The following UFSP2 variants were observed in gnomAD, a reference collection of about 807,000 sequenced individuals.
UFSP2 encodes UFM1 specific peptidase 2, also known as ufm1-specific protease 2.
UFSP2 carries 43 observed loss-of-function variants against 60.2 expected under a neutral mutation model. The ratio of observed to expected loss-of-function variants is 0.71; its 90% confidence interval spans 0.56 to 0.92. The LOEUF is 0.92. Ranked by LOEUF, UFSP2 falls within the 40% of genes least tolerant of loss-of-function variation. UFSP2 has a pLI of 0.00. For synonymous variants in UFSP2, 183 were observed against 195.1 expected (o/e 0.94, Z 0.52); for missense variants, 520 against 575.0 (o/e 0.90, Z 0.98).
intron 9 of UFSP2, chr4:185,406,213 C>T: frequency 3.4e-6 from 1 of 293,390 alleles, no homozygotes. Context: ...GTGTTAAGTC[C>T]TGGGTTCTTG....
At chr4:185,415,074 AT>A in intron 6 of UFSP2, 80 bp downstream of exon 6, 2 of 1,193,834 alleles carry the variant, frequency 1.7e-6, no homozygotes, top group Non-Finnish European at 2.3e-6. Context: ...AATACCTTCC[AT>A]TTAGTGGAAA....
chr4:185,409,761 A>T (rs2095526043), intron 7 of UFSP2, among the ~76,000 whole-genome samples: 1 of 152,226 alleles, frequency 6.6e-6, no homozygotes, highest in African/African-American at 2.4e-5. Flanking sequence ...TAAGATGGGG[A>T]GGTTATCCTG....
At chr4:185,401,253 TAA>T (rs1313559853) in intron 11 of UFSP2, among the ~76,000 whole-genome samples, 1 of 152,090 alleles carries the variant, frequency 6.6e-6, no homozygotes, top group Non-Finnish European at 1.5e-5. Flanking sequence ...AAGATAAAAG[TAA>T]AAAATCCTCT....
rs778560495 is a variant in UFSP2 at position 185,415,351 on chromosome 4, T to TG, written c.492-5dup. 18 of 1,566,736 alleles carry TG rather than the reference T, an allele frequency of 1.1e-5. No individual in the cohort carries two copies. The highest frequency in any genetic ancestry group is 4.6e-5 in the East Asian group (2 of 43,868). On this transcript the variant is annotated splice_region_variant and splice_polypyrimidine_tract_variant and intron_variant, in intron 5 of 11. Coordinates refer to ENST00000264689, the MANE Select transcript of UFSP2 (RefSeq NM_018359.5). ...ATCAACCAGGAGTTTACGAACTCTG[T>TG]GGGGGGAAATATATAAGTGTATTAA... is the stretch of plus-strand genomic sequence containing the variant.
Position 185,405,833 on chromosome 4 carries a change from T to A in UFSP2, c.1145A>T (p.Gln382Leu), listed in dbSNP as rs376712305. ...FVSQGSEIAS[Q>L]GRELANHFQS... ...GAAATGATTAGCCAGTTCCCGTCCT[T>A]GAGAGGCAATTTCTGAACCTTGGCT... is the stretch of plus-strand genomic sequence containing the variant. The change falls in exon 10 of 12, where the codon CAA becomes CTA. Residue 382 changes from glutamine (Q) to leucine (L), a missense_variant. Physicochemically the swap from Gln to Leu is moderately radical, Grantham distance 113. Transcript: ENST00000264689. 2 of 1,614,084 alleles carry A rather than the reference T, an allele frequency of 1.2e-6. No individual in the cohort carries two copies. The highest frequency in any genetic ancestry group is 1.7e-5 in the Admixed American group (1 of 60,022).
At chr4:185,420,620 C>T (rs1169484524) in intron 2 of UFSP2, among the ~76,000 whole-genome samples, 1 of 152,084 alleles carries the variant, frequency 6.6e-6, no homozygotes, top group Non-Finnish European at 1.5e-5. Flanking sequence ...TTTCAGAAAG[C>T]AGAATTTAAA....
At chr4:185,419,985 G>A (rs1414998192) in intron 2 of UFSP2, among the ~76,000 whole-genome samples, 1 of 152,176 alleles carries the variant, frequency 6.6e-6, no homozygotes, top group African/African-American at 2.4e-5. Context: ...TTCAGGAACT[G>A]CCAAGCTGTT....
At chr4:185,417,024 G>T (rs1372002287) in intron 4 of UFSP2, among the ~76,000 whole-genome samples, 1 of 152,136 alleles carries the variant, frequency 6.6e-6, no homozygotes, top group African/African-American at 2.4e-5. Flanking sequence ...CTTCCCACAA[G>T]ATACTAATTA....
intron 7 of UFSP2, among the ~76,000 whole-genome samples, chr4:185,410,044 T>C (rs1217178510): frequency 1.3e-5 from 2 of 152,210 alleles, no homozygotes; most frequent in African/African-American, 4.8e-5. Flanking sequence ...TCAAATATGT[T>C]ATTATTTTTT....
At position 185,405,987 on chromosome 4, in the gene UFSP2, T is replaced by C. The variant is rs961459036; in HGVS notation, c.1122-131A>G. On this transcript the variant is annotated intron_variant, in intron 9 of 11. Coordinates refer to ENST00000264689, the MANE Select transcript of UFSP2 (RefSeq NM_018359.5). ...GAAAAAATATATAAATGTAAAAAAA[T>C]TAAGTGTTAGGGAACTGAGAGCAAT... 4 of 1,530,312 alleles carry C rather than the reference T, an allele frequency of 2.6e-6. No individual in the cohort carries two copies. The South Asian group carries it at 3.6e-5, about 14-fold the overall frequency. 94.8% of individuals were successfully genotyped at this position (1,530,312 alleles called of 1,614,324 possible).
In UFSP2 at chr4:185,413,834, G is replaced by A; in HGVS notation, c.723C>T (p.Pro241=). 4.3e-6 allele frequency: 7 copies of A among 1,612,880 alleles called. No homozygotes were observed. Among genetic ancestry groups the A allele is most frequent in the Non-Finnish European group, 5.9e-6 (7 of 1,179,454 alleles). The change falls in exon 7 of 12, where the codon CCC becomes CCT. Residue 241 remains proline, a synonymous_variant. Coordinates refer to ENST00000264689, the MANE Select transcript of UFSP2 (RefSeq NM_018359.5). ...HDLFNLPHDR[P]YFKRSNAYHF... is the part of the protein sequence containing the mutation. ...GATAAGCATTAGACCTTTTGAAATA[G>A]GGTCTGTCGTGAGGCAGATTGAAAA...
At position 185,425,875 on chromosome 4, in the gene UFSP2, G is replaced by A. The variant is rs1040149168; in HGVS notation, c.-7C>T. The stretch of plus-strand genomic sequence containing the variant: ...GAGCAGAGATACTCACCATGTCCGC[G>A]ACGTGGCGGTGACACGGGCGCTGAC... On this transcript the variant is annotated 5_prime_UTR_variant, in exon 1 of 12. Coordinates refer to ENST00000264689, the MANE Select transcript of UFSP2 (RefSeq NM_018359.5). 2.2e-5 allele frequency: 35 copies of A among 1,602,634 alleles called. No homozygotes were observed. The highest frequency in any genetic ancestry group is 1.9e-4 in the African/African-American group (14 of 74,794).
chr4:185,401,138 C>CT (rs964238697), intron 11 of UFSP2, among the ~76,000 whole-genome samples: 59 of 152,136 alleles, frequency 3.9e-4, no homozygotes, highest in African/African-American at 1.4e-3. Context: ...TTCTTAAATG[C>CT]TTTGAGAAAT....
At chr4:185,400,675 C>T in intron 11 of UFSP2, 197 bp from the exon 12 acceptor site, 1 of 414,912 alleles carries the variant, frequency 2.4e-6, no homozygotes, top group Non-Finnish European at 4.3e-6. Context: ...ACTTTTAATT[C>T]TATGTATGTA....
At position 185,413,605 on chromosome 4, in the gene UFSP2, G is replaced by A. The variant is rs1580066497; in HGVS notation, c.831+121C>T. 6 of 990,948 alleles carry A rather than the reference G, an allele frequency of 6.1e-6. No homozygotes were observed. The East Asian group carries it at 1.6e-4, about 26-fold the overall frequency. The allele number at this position is 990,948 out of a possible 1,614,324, so 61.4% of individuals were successfully genotyped here. On this transcript the variant is annotated intron_variant, in intron 7 of 11. Coordinates refer to ENST00000264689, the MANE Select transcript of UFSP2 (RefSeq NM_018359.5). ...AAGCAATGTCTGTTAACAGAGATGG[G>A]TGATAAATCATGTTTTAGGAATGAA...
rs141591864 is a variant in UFSP2, at chr4:185,407,971, T to C, written c.1086A>G (p.Gln362=). ...GSIEVQLVLN[Q]LIGITSKILF... ...GGATTTTTGACGTTATACCGATCAATTGGTTTAGTACCAGCTGCACCTCAA... is the reference window on the plus strand; with the variant it reads ...GGATTTTTGACGTTATACCGATCAACTGGTTTAGTACCAGCTGCACCTCAA... The change falls in exon 9 of 12, where the codon CAA becomes CAG. Residue 362 remains glutamine, a synonymous_variant. Coordinates refer to ENST00000264689, the MANE Select transcript of UFSP2 (RefSeq NM_018359.5). 185 of 1,614,204 alleles carry C rather than the reference T, an allele frequency of 1.1e-4. No individual in the cohort carries two copies. Among genetic ancestry groups the C allele is most frequent in the Middle Eastern group, 3.3e-4 (2 of 6,062 alleles).
chr4:185,422,455 TA>T, intron 2 of UFSP2, 29 bp downstream of exon 2: 1 of 1,538,134 alleles, frequency 6.5e-7, no homozygotes, highest in Non-Finnish European at 8.9e-7. Flanking sequence ...ATCAATTTTC[TA>T]ATAAAAAAGA....
At position 185,403,687 on chromosome 4, in the gene UFSP2, T is replaced by A. The variant is rs13126680; in HGVS notation, c.1199-69A>T. The A allele has an allele frequency of 0.91, 1,425,128 of 1,566,570 alleles. 648,776 individuals carry two copies. The highest frequency in any genetic ancestry group is 0.98 in the East Asian group (43,568 of 44,400). On this transcript the variant is annotated intron_variant, in intron 10 of 11. Coordinates refer to ENST00000264689, the MANE Select transcript of UFSP2 (RefSeq NM_018359.5). ...ATGTCAAATGCCTATTCAATTTAAATAGACAGATTACGGCCGGGCGTGGTG... is the reference window on the plus strand; with the variant it reads ...ATGTCAAATGCCTATTCAATTTAAAAAGACAGATTACGGCCGGGCGTGGTG...
At chr4:185,411,413 C>A (rs944823159) in intron 7 of UFSP2, among the ~76,000 whole-genome samples, 1 of 151,832 alleles carries the variant, frequency 6.6e-6, no homozygotes, top group Non-Finnish European at 1.5e-5. Context: ...ATTTAGTAAA[C>A]CAGTATATCA....
Sources: gnomAD v4.1 joint callset for allele counts (sites outside exome capture counted in the v4.1 genomes callset) on GRCh38, gnomAD v4.1.1 for gene constraint, MANE v1.5 for transcripts, NCBI Gene and HGNC (gene_info 2026-07-23, HGNC 2026-07-21) for gene names.